The following UNC13C variants were observed in gnomAD, a reference collection of about 807,000 sequenced individuals.
UNC13C encodes the protein protein unc-13 homolog C.
UNC13C carries 174 observed loss-of-function variants against 245.4 expected under a neutral mutation model. That is an observed-to-expected ratio of 0.71 (90% confidence interval 0.63 to 0.80). The LOEUF is 0.80. UNC13C is among the 30% of genes least tolerant of loss of function. The pLI, the probability that UNC13C is intolerant of heterozygous loss-of-function variation, is 0.00. For missense variants in UNC13C, 2,829 were observed against 2,602.9 expected (o/e 1.09, Z -1.89); for synonymous variants, 992 against 895.1 (o/e 1.11, Z -1.93).
intron 2 of UNC13C, among the ~76,000 whole-genome samples, chr15:54,095,936 C>A (rs773113946): frequency 6.6e-6 from 1 of 152,170 alleles, no homozygotes; most frequent in Non-Finnish European, 1.5e-5. Context: ...GAAAGACACA[C>A]AGCACGTGTC....
chr15:53,928,629 C>A, the UNC13C span, among the ~76,000 whole-genome samples: 1 of 152,140 alleles, frequency 6.6e-6, no homozygotes, highest in African/African-American at 2.4e-5. Context: ...CCTGGAAGGA[C>A]ATTTGAATAT....
At chr15:54,100,505 C>G (rs549389074) in intron 2 of UNC13C, among the ~76,000 whole-genome samples, 1 of 152,260 alleles carries the variant, frequency 6.6e-6, no homozygotes, top group Admixed American at 6.5e-5. Flanking sequence ...ACCTGGGCCC[C>G]TTTCTCTTCT....
At chr15:54,630,075 T>C (rs146452791), downstream of UNC13C, 1 of 152,350 alleles carries the variant, frequency 6.6e-6, no homozygotes, top group Non-Finnish European at 1.5e-5. Flanking sequence ...TGCACTAATG[T>C]GTGTAGCAAT....
chr15:54,386,952 G>A (rs2039850594), intron 17 of UNC13C, among the ~76,000 whole-genome samples: 1 of 152,144 alleles, frequency 6.6e-6, no homozygotes, highest in African/African-American at 2.4e-5. Flanking sequence ...CTGTCTAAAT[G>A]TAGAGTAGAA....
At chr15:54,604,902 C>T (rs1401267752) in intron 30 of UNC13C, among the ~76,000 whole-genome samples, 1 of 152,034 alleles carries the variant, frequency 6.6e-6, no homozygotes, top group East Asian at 1.9e-4. Context: ...GGACCCAGAC[C>T]TACCTAATTA....
chr15:54,534,372 T>C (rs894163978), intron 26 of UNC13C, among the ~76,000 whole-genome samples: 2 of 152,108 alleles, frequency 1.3e-5, no homozygotes, highest in African/African-American at 4.8e-5. Flanking sequence ...ACCCAATATA[T>C]ACCACAGTCA....
chr15:54,088,759 G>T (rs1899393812), intron 2 of UNC13C, among the ~76,000 whole-genome samples: 1 of 152,170 alleles, frequency 6.6e-6, no homozygotes, highest in African/African-American at 2.4e-5. Flanking sequence ...GTGATGTACA[G>T]TTTGATGCAG....
the UNC13C span, among the ~76,000 whole-genome samples, chr15:53,956,912 A>G: frequency 0.54 from 64,594 of 119,858 alleles, 14,170 homozygotes; most frequent in East Asian, 0.65. Flanking sequence ...GTGTGCATGC[A>G]CACATCCATG....
chr15:54,083,249 A>T (rs1412775582), intron 2 of UNC13C, among the ~76,000 whole-genome samples: 1 of 151,900 alleles, frequency 6.6e-6, no homozygotes, highest in Admixed American at 6.6e-5. Flanking sequence ...GTTCATTTAG[A>T]CTTTGTTCTT....
chr15:53,871,519 G>T, the UNC13C span, among the ~76,000 whole-genome samples: 1 of 152,168 alleles, frequency 6.6e-6, no homozygotes, highest in Non-Finnish European at 1.5e-5. Context: ...TCTATGCAAG[G>T]CTGTGAGCAA....
intron 30 of UNC13C, among the ~76,000 whole-genome samples, chr15:54,617,242 A>T (rs573349687): frequency 6.6e-6 from 1 of 152,216 alleles, no homozygotes; most frequent in African/African-American, 2.4e-5. Flanking sequence ...TATAAAAGTA[A>T]TTTTTTAATC....
intron 17 of UNC13C, among the ~76,000 whole-genome samples, chr15:54,353,109 C>T (rs897988369): frequency 6.6e-6 from 1 of 152,058 alleles, no homozygotes; most frequent in Non-Finnish European, 1.5e-5. Flanking sequence ...AATTTGTTGA[C>T]TTCTTGTTGT....
intron 19 of UNC13C, among the ~76,000 whole-genome samples, chr15:54,432,745 G>C (rs994712576): frequency 2.0e-5 from 3 of 151,758 alleles, no homozygotes; most frequent in Non-Finnish European, 4.4e-5. Flanking sequence ...AAATAACTAA[G>C]ATCAGAGCAG....
At chr15:54,215,692 G>T (rs926855337) in intron 4 of UNC13C, among the ~76,000 whole-genome samples, 1 of 151,924 alleles carries the variant, frequency 6.6e-6, no homozygotes, top group South Asian at 2.1e-4. Flanking sequence ...AGTTCATGAA[G>T]TGGCATGGAG....
the UNC13C span, among the ~76,000 whole-genome samples, chr15:53,868,676 A>C: frequency 6.6e-6 from 1 of 152,246 alleles, no homozygotes; most frequent in Non-Finnish European, 1.5e-5. Context: ...TCAATCCTTA[A>C]AGAAGTAAAA....
At chr15:53,859,669 T>G in the UNC13C span, among the ~76,000 whole-genome samples, 1 of 152,134 alleles carries the variant, frequency 6.6e-6, no homozygotes, top group Non-Finnish European at 1.5e-5. Flanking sequence ...TCATTTTTAA[T>G]GCTATGAACT....
chr15:54,621,113 T>C (rs1900771740), intron 30 of UNC13C, among the ~76,000 whole-genome samples: 1 of 152,156 alleles, frequency 6.6e-6, no homozygotes, highest in Admixed American at 6.5e-5. Context: ...TCTCAGCAGG[T>C]TCTCTTGAAA....
In UNC13C at chr15:54,075,955, G is replaced by T. The variant is rs933198921; in HGVS notation, c.2983+60069G>T. ...TAATTGCCTTCATTTTACAGATGAG[G>T]TTACTTAGTAATTTGTTCAAAGTCA... On this transcript the variant is annotated intron_variant, in intron 2 of 32. Coordinates refer to ENST00000260323, the MANE Select transcript of UNC13C (RefSeq NM_001080534.3). 2.6e-5 allele frequency among the ~76,000 whole-genome samples: 4 copies of T among 151,690 alleles called. No individual in the cohort carries two copies. In the South Asian group the frequency reaches 6.2e-4, roughly 24 times the overall value.
chr15:54,543,827 C>G (rs1432381458), intron 26 of UNC13C, among the ~76,000 whole-genome samples: 1 of 152,022 alleles, frequency 6.6e-6, no homozygotes, highest in Non-Finnish European at 1.5e-5. Context: ...AAAAAAAGCC[C>G]AGGACCAGAT....
Sources: allele counts gnomAD v4.1 joint callset (sites outside exome capture counted in the v4.1 genomes callset), GRCh38; gene constraint gnomAD v4.1.1; transcripts MANE v1.5; gene names NCBI Gene and HGNC (gene_info 2026-07-23, HGNC 2026-07-21).